The following KATNA1 variants were observed in gnomAD, a reference collection of about 807,000 sequenced individuals.
KATNA1 encodes the protein katanin catalytic subunit A1, also known as katanin p60 ATPase-containing subunit A1.
In KATNA1, 42 loss-of-function variants were observed where a neutral mutation model predicts 62.6. The ratio of observed to expected loss-of-function variants is 0.67; its 90% CI spans 0.52 to 0.87. The LOEUF is 0.87. Ranked by LOEUF, KATNA1 falls within the 40% of genes least tolerant of loss-of-function variation. The probability of loss-of-function intolerance (pLI) is 0.00; values close to 1 mark genes in which losing one functional copy is unlikely to be tolerated. For synonymous variants in KATNA1, 186 were observed against 201.9 expected, an observed-to-expected ratio of 0.92 and a Z score of 0.67; for missense variants, 498 against 612.5, an observed-to-expected ratio of 0.81 and a Z score of 1.97.
At chr6:149,630,975 T>C (rs1332999545) in intron 3 of KATNA1, among the ~76,000 whole-genome samples, 1 of 152,248 alleles carries the variant, frequency 6.6e-6, no homozygotes, top group Admixed American at 6.5e-5. Flanking sequence ...CCAACCTTAT[T>C]GTACCTCAGC....
At chr6:149,631,631 A>G (rs913104948) in intron 3 of KATNA1, 2 of 152,212 alleles carry the variant, frequency 1.3e-5, no homozygotes, top group Admixed American at 1.3e-4. Flanking sequence ...ACTGAAAACA[A>G]TCTGATCAAC....
At chr6:149,638,945 G>A (rs1415527366) in intron 1 of KATNA1, among the ~76,000 whole-genome samples, 1 of 151,686 alleles carries the variant, frequency 6.6e-6, no homozygotes, top group Non-Finnish European at 1.5e-5. Flanking sequence ...CACCATGTTG[G>A]CCAGGCTGGT....
intron 4 of KATNA1, among the ~76,000 whole-genome samples, chr6:149,613,405 T>C (rs1472928129): frequency 1.3e-5 from 2 of 151,904 alleles, no homozygotes; most frequent in African/African-American, 2.4e-5. Flanking sequence ...ATAAAAGGCA[T>C]AGAAATCCAA....
chr6:149,629,043 G>C (rs959512125), intron 3 of KATNA1, among the ~76,000 whole-genome samples: 1 of 152,094 alleles, frequency 6.6e-6, no homozygotes, highest in African/African-American at 2.4e-5. Flanking sequence ...AAAGCGAGAA[G>C]CAATAAGAAG....
intron 4 of KATNA1, among the ~76,000 whole-genome samples, chr6:149,613,757 A>T (rs1390582112): frequency 6.6e-6 from 1 of 152,180 alleles, no homozygotes; most frequent in Non-Finnish European, 1.5e-5. Flanking sequence ...CAGCCCAGCT[A>T]CTGCTATGGT....
intron 4 of KATNA1, among the ~76,000 whole-genome samples, chr6:149,606,594 A>G (rs551708429): frequency 6.6e-6 from 1 of 151,800 alleles, no homozygotes; most frequent in African/African-American, 2.4e-5. Context: ...AGCATAAAAG[A>G]TTCAAGGAAG....
intron 4 of KATNA1, among the ~76,000 whole-genome samples, chr6:149,616,520 G>A (rs1248744281): frequency 6.6e-6 from 1 of 152,192 alleles, no homozygotes; most frequent in Admixed American, 6.5e-5. Context: ...AGCACTTTTG[G>A]AGGCCAAGGC....
intron 3 of KATNA1, among the ~76,000 whole-genome samples, chr6:149,632,513 C>G (rs1181484995): frequency 3.3e-5 from 5 of 152,146 alleles, no homozygotes; most frequent in Non-Finnish European, 7.3e-5. Context: ...CACAAGATAA[C>G]ACTGTCTCTA....
chr6:149,628,853 C>A (rs762540367), intron 3 of KATNA1, among the ~76,000 whole-genome samples: 8 of 151,468 alleles, frequency 5.3e-5, no homozygotes, highest in Non-Finnish European at 1.2e-4. Context: ...GAATGACCCT[C>A]TTAAGCATGA....
chr6:149,599,888 C>T (rs1191280616), intron 7 of KATNA1, among the ~76,000 whole-genome samples: 6 of 152,040 alleles, frequency 3.9e-5, no homozygotes, highest in Non-Finnish European at 8.8e-5. Flanking sequence ...TTATTCAGAC[C>T]TGGCCAATCA....
intron 10 of KATNA1, 116 bp from the exon 11 acceptor site, chr6:149,595,350 A>T (rs1204031765): frequency 3.0e-6 from 2 of 676,162 alleles, no homozygotes; most frequent in African/African-American, 3.6e-5. Flanking sequence ...ATTATATTAC[A>T]TATATATGTA....
In KATNA1 at chr6:149,623,660, C is replaced by T. The variant is rs1779496931; in HGVS notation, c.321-377G>A. ...GGCTGAAGCAGGACAATCGTTTGAA[C>T]CTGGGAGGTGGAGACTGGAGTGAGC... On this transcript the variant is annotated intron_variant, in intron 3 of 10. Transcript: ENST00000367411. Among the ~76,000 whole-genome samples, 3 of 152,078 alleles carry T rather than the reference C, an allele frequency of 2.0e-5. No homozygotes were observed. The South Asian group carries it at 6.2e-4, about 32-fold the overall frequency.
At chr6:149,612,072 A>C (rs559454140) in intron 4 of KATNA1, among the ~76,000 whole-genome samples, 1 of 152,200 alleles carries the variant, frequency 6.6e-6, no homozygotes, top group Non-Finnish European at 1.5e-5. Context: ...GATTAAATGG[A>C]CTAATTCTTT....
chr6:149,611,330 C>T (rs771863026), intron 4 of KATNA1, among the ~76,000 whole-genome samples: 14 of 150,624 alleles, frequency 9.3e-5, no homozygotes, highest in South Asian at 8.4e-4. Flanking sequence ...AGAGTGGTGG[C>T]GGGGGCCTGT....
chr6:149,597,186 T>C lies in KATNA1; in HGVS notation c.1154A>G (p.Lys385Arg). ...KRIYIPLPSA[K>R]GREELLRISL... ...TATTCGTAATAGCTCCTCCCTGCCT[T>C]TTGCTAATGGTAGAAACAAATTTTA... The change falls in exon 10 of 11, where the codon AAA (lysine) becomes AGA (arginine). Residue 385 changes from lysine to arginine, a missense_variant. Lys to Arg is a conservative substitution (Grantham distance 26). Transcript: ENST00000367411. The C allele has an allele frequency of 6.2e-7, 1 of 1,613,124 alleles. No individual in the cohort carries two copies. The highest frequency in any genetic ancestry group is 8.5e-7 in the Non-Finnish European group (1 of 1,179,716).
At chr6:149,630,223 G>A (rs1177681214) in intron 3 of KATNA1, among the ~76,000 whole-genome samples, 2 of 152,182 alleles carry the variant, frequency 1.3e-5, no homozygotes, top group African/African-American at 4.8e-5. Context: ...AACAAGAAAT[G>A]TAATTATGTG....
chr6:149,632,298 C>G (rs1046680400), intron 3 of KATNA1, among the ~76,000 whole-genome samples: 4 of 151,688 alleles, frequency 2.6e-5, no homozygotes, highest in Admixed American at 1.3e-4. Flanking sequence ...TCACTTGAAC[C>G]CGGGAGGCAG....
intron 4 of KATNA1, among the ~76,000 whole-genome samples, chr6:149,609,757 C>T (rs1267115395): frequency 7.1e-6 from 1 of 140,920 alleles, no homozygotes; most frequent in East Asian, 2.2e-4. Flanking sequence ...AAGCTGAGAT[C>T]GTGCCACTGC....
chr6:149,634,025 C>T (rs1427253310), intron 2 of KATNA1, among the ~76,000 whole-genome samples: 1 of 151,784 alleles, frequency 6.6e-6, no homozygotes, highest in Non-Finnish European at 1.5e-5. Flanking sequence ...GTAATCTCAA[C>T]ACTTTGGGAG....
Sources: allele counts gnomAD v4.1 joint callset (sites outside exome capture counted in the v4.1 genomes callset), GRCh38; gene constraint gnomAD v4.1.1; transcripts MANE v1.5; gene names NCBI Gene and HGNC (gene_info 2026-07-23, HGNC 2026-07-21).